The following EIF2B3 variants were observed in gnomAD, a reference collection of about 807,000 sequenced individuals.
EIF2B3 encodes the protein translation initiation factor eIF2B subunit gamma.
A neutral mutation model predicts 54.1 loss-of-function variants in EIF2B3; 20 were observed. The ratio of observed to expected loss-of-function variants is 0.37; its 90% CI spans 0.26 to 0.54. The LOEUF is 0.54. Among genes scored for constraint, EIF2B3 ranks in the 20% least tolerant of loss-of-function variants. The probability of loss-of-function intolerance (pLI) is 0.86; values close to 1 mark genes in which losing one functional copy is unlikely to be tolerated. For missense variants in EIF2B3, 448 were observed against 547.8 expected (o/e 0.82, Z 1.82); for synonymous variants, 153 against 188.1 (o/e 0.81, Z 1.52).
intron 8 of EIF2B3, among the ~76,000 whole-genome samples, chr1:44,876,318 G>A (rs1242854707): frequency 4.8e-5 from 7 of 146,112 alleles, no homozygotes; most frequent in African/African-American, 1.8e-4. Context: ...CTGCCCGGCC[G>A]CCCATAGTCT....
At chr1:44,984,817 T>TTTTTTTTTTTA (rs1644554078) in intron 1 of EIF2B3, among the ~76,000 whole-genome samples, 1 of 135,136 alleles carries the variant, frequency 7.4e-6, no homozygotes, top group African/African-American at 2.8e-5. Context: ...TTTTTTTTTT[T>TTTTTTTTTTTA]GAGACGGAGT....
At position 44,959,134 on chromosome 1, in the gene EIF2B3, A is replaced by G. The variant is rs143148177; in HGVS notation, c.295-17469T>C. On this transcript the variant is annotated intron_variant, in intron 3 of 11. Transcript: ENST00000360403. ...CATCCCTATTGCTAACCGTGAAGGC[A>G]CCCTTGAACCATCTACGATTGCACA... is the stretch of plus-strand genomic sequence containing the variant. 1,103 of 744,248 alleles carry G rather than the reference A, an allele frequency of 1.5e-3. 3 individuals are homozygous for G. The highest frequency in any genetic ancestry group is 1.6e-3 in the Non-Finnish European group (672 of 422,974). The allele number at this position is 744,248 out of a possible 1,614,324, so 46.1% of individuals were successfully genotyped here.
At chr1:44,879,173 C>T (rs1655299440) in intron 8 of EIF2B3, among the ~76,000 whole-genome samples, 1 of 152,156 alleles carries the variant, frequency 6.6e-6, no homozygotes. Flanking sequence ...TACAGAGTTC[C>T]TTTATACCTT....
At chr1:44,936,351 G>A (rs1434087400) in intron 4 of EIF2B3, among the ~76,000 whole-genome samples, 2 of 151,876 alleles carry the variant, frequency 1.3e-5, no homozygotes, top group African/African-American at 4.8e-5. Flanking sequence ...AGGCCAAGGC[G>A]GGTGGATCAC....
intron 3 of EIF2B3, among the ~76,000 whole-genome samples, chr1:44,942,392 TATATATATATATATATA>T: frequency 7.0e-5 from 1 of 14,294 alleles, no homozygotes; most frequent in African/African-American, 4.0e-4. Flanking sequence ...TATATATATA[TATATATATATATATATA>T]TATATATATT....
At chr1:44,937,883 C>CAAA (rs34363661) in intron 4 of EIF2B3, among the ~76,000 whole-genome samples, 6 of 33,558 alleles carry the variant, frequency 1.8e-4, no homozygotes, top group Non-Finnish European at 2.1e-4. Flanking sequence ...GACTCCGTCT[C>CAAA]AAAAAAAAAA....
chr1:44,896,611 T>C (rs971856447), intron 6 of EIF2B3, among the ~76,000 whole-genome samples: 12 of 152,212 alleles, frequency 7.9e-5, no homozygotes, highest in African/African-American at 2.4e-4. Context: ...TCCAAACTTA[T>C]CCAGCAGTCA....
intron 6 of EIF2B3, among the ~76,000 whole-genome samples, chr1:44,884,075 G>A (rs1655498019): frequency 6.6e-6 from 1 of 152,188 alleles, no homozygotes; most frequent in African/African-American, 2.4e-5. Flanking sequence ...CTGGACTCAA[G>A]CAGTCCTCCC....
intron 3 of EIF2B3, chr1:44,959,306 A>G (rs1452959626): frequency 6.3e-6 from 4 of 639,136 alleles, no homozygotes; most frequent in Non-Finnish European, 1.2e-5. Context: ...GAAACCAGCA[A>G]CAGCTTATTT....
intron 3 of EIF2B3, among the ~76,000 whole-genome samples, chr1:44,952,485 AAATT>A (rs1343216905): frequency 3.9e-5 from 6 of 152,150 alleles, no homozygotes; most frequent in South Asian, 2.1e-4. Flanking sequence ...TTCTGACACA[AAATT>A]AATTAATCTA....
At chr1:44,866,050 C>T (rs1654768578) in intron 10 of EIF2B3, among the ~76,000 whole-genome samples, 1 of 151,980 alleles carries the variant, frequency 6.6e-6, no homozygotes, top group African/African-American at 2.4e-5. Flanking sequence ...AAGATATCTA[C>T]TACGTAAAAA....
At chr1:44,851,787 G>C (rs1377386116) in intron 11 of EIF2B3, among the ~76,000 whole-genome samples, 4 of 152,158 alleles carry the variant, frequency 2.6e-5, no homozygotes. Context: ...TAGGGTTGTT[G>C]TGAGAATTCA....
At chr1:44,966,884 C>T (rs898583187) in intron 3 of EIF2B3, among the ~76,000 whole-genome samples, 5 of 151,990 alleles carry the variant, frequency 3.3e-5, no homozygotes, top group East Asian at 1.9e-4. Context: ...TGCAATGGCG[C>T]GACCTCAGCT....
intron 9 of EIF2B3, 90 bp from the exon 10 acceptor site, chr1:44,874,916 T>A (rs765355307): frequency 6.6e-7 from 1 of 1,510,876 alleles, no homozygotes; most frequent in Non-Finnish European, 9.2e-7. Context: ...TCTAATGGGA[T>A]CTTTCCATAG....
chr1:44,882,121 T>C (rs1655420073), intron 6 of EIF2B3, among the ~76,000 whole-genome samples: 1 of 152,268 alleles, frequency 6.6e-6, no homozygotes, highest in Non-Finnish European at 1.5e-5. Flanking sequence ...CTAATTAATT[T>C]ATGTAGCATT....
chr1:44,963,296 G>C (rs1644304747), intron 3 of EIF2B3, among the ~76,000 whole-genome samples: 2 of 149,256 alleles, frequency 1.3e-5, no homozygotes, highest in African/African-American at 4.9e-5. Flanking sequence ...TTTTTGACAG[G>C]GTCTCACTCT....
chr1:44,985,610 A>T (rs1644566084), intron 1 of EIF2B3, among the ~76,000 whole-genome samples: 1 of 152,200 alleles, frequency 6.6e-6, no homozygotes, highest in Non-Finnish European at 1.5e-5. Flanking sequence ...ACATGTGCAT[A>T]AGGGCATTAG....
At chr1:44,862,625 TTTATTA>T (rs751325339) in intron 10 of EIF2B3, among the ~76,000 whole-genome samples, 5 of 152,146 alleles carry the variant, frequency 3.3e-5, no homozygotes, top group East Asian at 1.9e-4. Flanking sequence ...TTTACACTCA[TTTATTA>T]TTATTATTTT....
intron 3 of EIF2B3, among the ~76,000 whole-genome samples, chr1:44,966,194 C>T (rs1644336695): frequency 6.6e-6 from 1 of 152,014 alleles, no homozygotes; most frequent in South Asian, 2.1e-4. Flanking sequence ...AATCCCAGCA[C>T]TTCGGGAGGC....
Sources: gnomAD v4.1 joint callset for allele counts (sites outside exome capture counted in the v4.1 genomes callset) on GRCh38, gnomAD v4.1.1 for gene constraint, MANE v1.5 for transcripts, NCBI Gene and HGNC (gene_info 2026-07-23, HGNC 2026-07-21) for gene names.